The following EIF4G3 variants were observed in gnomAD, a reference collection of about 807,000 sequenced individuals.
The protein encoded by EIF4G3 is eIF-4-gamma 3.
In EIF4G3, 34 loss-of-function variants were observed where a neutral mutation model predicts 186.4. The ratio of observed to expected loss-of-function variants is 0.18; its 90% CI spans 0.14 to 0.24. EIF4G3 has a LOEUF of 0.24. Among genes scored for constraint, EIF4G3 ranks in the 10% least tolerant of loss-of-function variants. The probability of loss-of-function intolerance (pLI) is 1.00; values close to 1 mark genes in which losing one functional copy is unlikely to be tolerated. For missense variants in EIF4G3, 1,536 were observed against 1,948.5 expected, an observed-to-expected ratio of 0.79 and a Z score of 3.99; for synonymous variants, 673 against 679.5, an observed-to-expected ratio of 0.99 and a Z score of 0.15.
chr1:20,894,018 C>G (rs1005716325), intron 17 of EIF4G3, among the ~76,000 whole-genome samples: 4 of 151,620 alleles, frequency 2.6e-5, no homozygotes, highest in Non-Finnish European at 4.4e-5. Flanking sequence ...GAGCACTTGC[C>G]TATACGAATC....
chr1:20,865,118 C>T lies in EIF4G3; in HGVS notation c.2767G>A (p.Ala923Thr). 1.2e-6 allele frequency: 2 copies of T among 1,614,012 alleles called. No individual in the cohort carries two copies. Among genetic ancestry groups the T allele is most frequent in the South Asian group, 1.1e-5 (1 of 91,060 alleles). Residue 923 changes from alanine (A) to threonine (T), a missense_variant and splice_region_variant, in exon 21 of 37, where the codon GCT becomes ACT. By Grantham distance (58) the Ala-to-Thr change is moderately conservative. Transcript: ENST00000602326. Reference protein sequence around the residue: ...KKQKELEAASAPEERTRLHDE... With the variant: ...KKQKELEAASTPEERTRLHDE... ...TGTCTTTCTATGAAAATACTTACAG[C>T]ACTGGCAGCCTCAAGTTCTTTCTGC...
intron 14 of EIF4G3, among the ~76,000 whole-genome samples, chr1:20,930,213 G>A (rs1455435213): frequency 1.3e-5 from 2 of 152,176 alleles, no homozygotes; most frequent in African/African-American, 4.8e-5. Flanking sequence ...CATCAGGATG[G>A]TGGTTGCTGA....
chr1:21,125,727 A>C (rs1224381288), intron 2 of EIF4G3, among the ~76,000 whole-genome samples: 1 of 147,474 alleles, frequency 6.8e-6, no homozygotes, highest in Non-Finnish European at 1.5e-5. Context: ...TCGAAAATAA[A>C]TAAATATATA....
chr1:21,118,926 T>C, intron 2 of EIF4G3, among the ~76,000 whole-genome samples: 1 of 92,066 alleles, frequency 1.1e-5, no homozygotes, highest in Admixed American at 1.6e-4. Context: ...AGAACCAAGC[T>C]CTATTAAAAA....
chr1:21,068,795 A>G (rs1014149542), intron 3 of EIF4G3, among the ~76,000 whole-genome samples: 5 of 152,220 alleles, frequency 3.3e-5, no homozygotes, highest in African/African-American at 1.2e-4. Flanking sequence ...AAAATGTTCT[A>G]CAGATTGAGT....
rs369794468 is a variant in EIF4G3 at position 21,137,618 on chromosome 1, G to A, written c.-272+38557C>T. 3.0e-4 allele frequency among the ~76,000 whole-genome samples: 46 copies of A among 151,838 alleles called. 1 individual carries two copies. The highest frequency in any genetic ancestry group is 1.0e-3 in the African/African-American group (42 of 41,434). ...GAGCCTTGGAGTTTGAGACCAGCCTGGGCAACATAGTAAGACCTTATCTTT... is the reference window on the plus strand; with the variant it reads ...GAGCCTTGGAGTTTGAGACCAGCCTAGGCAACATAGTAAGACCTTATCTTT... On this transcript the variant is annotated intron_variant, in intron 2 of 36. Coordinates refer to ENST00000602326, the MANE Select transcript of EIF4G3 (RefSeq NM_001391906.1).
chr1:20,981,601 ACG>A lies in EIF4G3; in HGVS notation c.199-376_199-375del, dbSNP rs1213657215. On this transcript the variant is annotated intron_variant, in intron 8 of 36. Transcript: ENST00000602326. Reference sequence around the variant, plus strand: ...ATACTGTATGTATACATACATGTATACGCACATACTGTATGTATACATACATG... The same window carrying A: ...ATACTGTATGTATACATACATGTATACACATACTGTATGTATACATACATG... Among the ~76,000 whole-genome samples, 41 of 131,478 alleles carry A rather than the reference ACG, an allele frequency of 3.1e-4. 2 individuals carry two copies. The East Asian group carries it at 4.4e-3, about 14-fold the overall frequency. 86.3% of individuals were successfully genotyped at this position (131,478 alleles called of 152,430 possible). A position where few individuals can be genotyped will look rare whatever the true frequency, so the allele number is the denominator to read the frequency against.
intron 33 of EIF4G3, among the ~76,000 whole-genome samples, chr1:20,818,365 G>A (rs913120428): frequency 6.6e-6 from 1 of 152,138 alleles, no homozygotes; most frequent in East Asian, 1.9e-4. Flanking sequence ...CAGGCTGGGC[G>A]CAGTGGCTCA....
At chr1:21,078,521 A>G (rs937500601) in intron 3 of EIF4G3, among the ~76,000 whole-genome samples, 1 of 152,218 alleles carries the variant, frequency 6.6e-6, no homozygotes, top group African/African-American at 2.4e-5. Context: ...AATAAAAGGA[A>G]TAAGTTCTAG....
intron 14 of EIF4G3, among the ~76,000 whole-genome samples, chr1:20,937,652 A>C (rs184383222): frequency 9.8e-5 from 15 of 152,362 alleles, no homozygotes; most frequent in African/African-American, 3.6e-4. Flanking sequence ...AAAATAAAAA[A>C]GTCACAATTC....
At chr1:20,968,903 G>A (rs2075276716) in intron 12 of EIF4G3, among the ~76,000 whole-genome samples, 2 of 152,096 alleles carry the variant, frequency 1.3e-5, no homozygotes, top group Non-Finnish European at 2.9e-5. Flanking sequence ...TGTGGAGGGG[G>A]CATCTTTGAA....
chr1:21,158,859 A>G (rs1373842788), intron 2 of EIF4G3, among the ~76,000 whole-genome samples: 1 of 152,184 alleles, frequency 6.6e-6, no homozygotes, highest in African/African-American at 2.4e-5. Flanking sequence ...ACGAAACTCA[A>G]AAACAGAAAT....
intron 30 of EIF4G3, among the ~76,000 whole-genome samples, chr1:20,830,709 T>C (rs1218528005): frequency 6.6e-6 from 1 of 152,160 alleles, no homozygotes; most frequent in Non-Finnish European, 1.5e-5. Context: ...AATATACCCA[T>C]ATTCTTGCTT....
At chr1:21,077,000 G>A (rs577861982) in intron 3 of EIF4G3, among the ~76,000 whole-genome samples, 2 of 152,254 alleles carry the variant, frequency 1.3e-5, no homozygotes, top group East Asian at 3.9e-4. Flanking sequence ...AGAGTAAAGA[G>A]ACAACTTACA....
intron 14 of EIF4G3, among the ~76,000 whole-genome samples, chr1:20,912,600 C>T (rs1160549451): frequency 6.6e-6 from 1 of 152,152 alleles, no homozygotes; most frequent in East Asian, 1.9e-4. Context: ...GGGAACAGCC[C>T]CGGTGCATTG....
intron 12 of EIF4G3, among the ~76,000 whole-genome samples, chr1:20,967,888 G>C (rs1017353326): frequency 6.6e-6 from 1 of 152,148 alleles, no homozygotes; most frequent in African/African-American, 2.4e-5. Flanking sequence ...AGGCATAAAA[G>C]AGCAAAGAGA....
chr1:21,023,254 CCCTCCCCCTCCCT>C (rs2091233693), intron 4 of EIF4G3, among the ~76,000 whole-genome samples: 1 of 108,296 alleles, frequency 9.2e-6, no homozygotes, highest in African/African-American at 3.5e-5. Context: ...CCCCCTCCCC[CCCTCCCCCTCCCT>C]CTCCCTCTCC....
intron 14 of EIF4G3, among the ~76,000 whole-genome samples, 153 bp from the exon 15 acceptor site, chr1:20,905,124 A>G (rs574837372): frequency 4.6e-5 from 7 of 152,262 alleles, no homozygotes; most frequent in Non-Finnish European, 1.0e-4. Flanking sequence ...ACAATTGTGT[A>G]GTAGCCCAGA....
rs75035691 is a variant in EIF4G3 at position 20,930,869 on chromosome 1, T to C, written c.1663+10622A>G. Among the ~76,000 whole-genome samples, 936 of 152,258 alleles carry C rather than the reference T, an allele frequency of 6.1e-3. 8 individuals are homozygous for C. The highest frequency in any genetic ancestry group is 0.022 in the African/African-American group (902 of 41,560). On this transcript the variant is annotated intron_variant, in intron 14 of 36. Transcript: ENST00000602326. ...TCCTTGTCCCATGAATTACAATTTT[T>C]TTTTTAAGAGACAGGAATCTTGCTG... is the stretch of plus-strand genomic sequence containing the variant.
Sources: allele counts gnomAD v4.1 joint callset (sites outside exome capture counted in the v4.1 genomes callset), GRCh38; gene constraint gnomAD v4.1.1; transcripts MANE v1.5; gene names NCBI Gene and HGNC (gene_info 2026-07-23, HGNC 2026-07-21).